The following TM4SF20 variants were observed in gnomAD, a reference collection of about 807,000 sequenced individuals.
The protein encoded by TM4SF20 is transmembrane 4 L6 family member 20.
TM4SF20 carries 13 observed loss-of-function variants against 15.1 expected under a neutral mutation model. The observed-to-expected ratio is 0.86, with a 90% CI of 0.56 to 1.36. The LOEUF is 1.36. Among genes scored for constraint, TM4SF20 ranks in the 40% most tolerant of loss-of-function variants. The pLI, the probability that TM4SF20 is intolerant of heterozygous loss-of-function variation, is 0.00. For synonymous variants in TM4SF20, 92 were observed against 96.6 expected (o/e 0.95, Z 0.28); for missense variants, 282 against 268.4 (o/e 1.05, Z -0.35).
upstream of TM4SF20, among the ~76,000 whole-genome samples, chr2:227,381,120 C>CA (rs1237663123): frequency 6.6e-6 from 1 of 151,724 alleles, no homozygotes; most frequent in African/African-American, 2.4e-5. Context: ...ACTAAAAATA[C>CA]AAAAAAATTA....
chr2:227,375,226 C>CA (rs1000446544), intron 1 of TM4SF20, among the ~76,000 whole-genome samples: 10 of 150,542 alleles, frequency 6.6e-5, no homozygotes, highest in African/African-American at 1.5e-4. Context: ...CATACCTGGC[C>CA]AAAAAAAAAT....
rs2076392796 is a variant in TM4SF20 at position 227,366,335 on chromosome 2, C to T, written c.250-91G>A. 3 of 1,150,166 alleles carry T rather than the reference C, an allele frequency of 2.6e-6. No homozygotes were observed. In the African/African-American group the frequency reaches 4.7e-5, roughly 18 times the overall value. 71.2% of individuals were successfully genotyped at this position (1,150,166 alleles called of 1,614,324 possible). On this transcript the variant is annotated intron_variant, in intron 2 of 3. Coordinates refer to ENST00000304568, the MANE Select transcript of TM4SF20 (RefSeq NM_024795.4). Reference sequence around the variant, plus strand: ...GAGCGTATACAGTCTTTTTTAAATCCAGTCGCCCTAAAATCCTGGATCTTA... The same window carrying T: ...GAGCGTATACAGTCTTTTTTAAATCTAGTCGCCCTAAAATCCTGGATCTTA...
At chr2:227,374,247 A>G (rs1466318851) in intron 1 of TM4SF20, among the ~76,000 whole-genome samples, 1 of 152,180 alleles carries the variant, frequency 6.6e-6, no homozygotes, top group Non-Finnish European at 1.5e-5. Flanking sequence ...TCACTTACAA[A>G]GGGGTTTTAT....
At chr2:227,373,969 A>G (rs1330038460) in intron 1 of TM4SF20, among the ~76,000 whole-genome samples, 1 of 151,226 alleles carries the variant, frequency 6.6e-6, no homozygotes, top group African/African-American at 2.4e-5. Context: ...GCTGGTTTAT[A>G]AACCGAAAAT....
At chr2:227,364,139 G>T (rs1237532215) in intron 3 of TM4SF20, 127 bp from the exon 4 acceptor site, 2 of 973,240 alleles carry the variant, frequency 2.1e-6, no homozygotes, top group Admixed American at 5.7e-5. Context: ...AAATGACAGA[G>T]ATCAGGGTTT....
At chr2:227,366,579 C>A (rs13416290) in intron 2 of TM4SF20, among the ~76,000 whole-genome samples, 45,929 of 151,358 alleles carry the variant, frequency 0.3, 8,800 homozygotes, top group African/African-American at 0.55. Context: ...AATACAAAAA[C>A]TTAGCCAGGC....
In TM4SF20 at chr2:227,363,497, C is replaced by G. The variant is rs1314204548; in HGVS notation, c.*227G>C. 7 of 428,412 alleles carry G rather than the reference C, an allele frequency of 1.6e-5. No homozygotes were observed. The highest frequency in any genetic ancestry group is 2.5e-5 in the Non-Finnish European group (6 of 240,770). 26.5% of individuals were successfully genotyped at this position (428,412 alleles called of 1,614,324 possible). On this transcript the variant is annotated 3_prime_UTR_variant, in exon 4 of 4. Transcript: ENST00000304568. ...TCATCCTCCTTCCCTTCTCCTTTCT[C>G]TACACACAGTGAAGAGGTAAAAAAT... is the stretch of plus-strand genomic sequence containing the variant.
chr2:227,371,390 G>C (rs6733389), intron 1 of TM4SF20, among the ~76,000 whole-genome samples: 1 of 152,040 alleles, frequency 6.6e-6, no homozygotes. Context: ...ACCCAGGCCA[G>C]AGTGCAGTGA....
chr2:227,369,570 AG>A (rs2076410598), intron 2 of TM4SF20, among the ~76,000 whole-genome samples: 1 of 152,080 alleles, frequency 6.6e-6, no homozygotes, highest in South Asian at 2.1e-4. Flanking sequence ...CTGGGATTAC[AG>A]GCATGGGCCA....
At position 227,362,346 on chromosome 2, in the gene TM4SF20, T is replaced by C. The variant is rs1560001599; in HGVS notation, c.*1378A>G. On this transcript the variant is annotated 3_prime_UTR_variant, in exon 4 of 4. Transcript: ENST00000304568. ...AGGGTATAATGAATTGCCATGTACCTGTCACCTAAATATAACAGTAAACAT... is the reference window on the plus strand; with the variant it reads ...AGGGTATAATGAATTGCCATGTACCCGTCACCTAAATATAACAGTAAACAT... The C allele has an allele frequency of 6.6e-6, 1 of 152,240 alleles. No homozygotes were observed. Among genetic ancestry groups the C allele is most frequent in the Non-Finnish European group, 1.5e-5 (1 of 68,036 alleles). The allele number at this position is 152,240 out of a possible 1,614,324, so 9.4% of individuals were successfully genotyped here. A position where few individuals can be genotyped will look rare whatever the true frequency, so the allele number is the denominator to read the frequency against.
At chr2:227,375,623 A>G (rs1056281480) in intron 1 of TM4SF20, among the ~76,000 whole-genome samples, 4 of 151,158 alleles carry the variant, frequency 2.6e-5, no homozygotes, top group Admixed American at 6.6e-5. Context: ...CTGAGTAGCT[A>G]GGACAACAGG....
intron 1 of TM4SF20, among the ~76,000 whole-genome samples, chr2:227,375,237 T>G (rs1399767371): frequency 6.6e-6 from 1 of 151,732 alleles, no homozygotes; most frequent in Non-Finnish European, 1.5e-5. Context: ...AAAAAAAAAT[T>G]TAAGATAAGC....
rs1198905306 is a variant in TM4SF20, at chr2:227,362,285, T to G, written c.*1439A>C. On this transcript the variant is annotated 3_prime_UTR_variant, in exon 4 of 4. Coordinates refer to ENST00000304568, the MANE Select transcript of TM4SF20 (RefSeq NM_024795.4). ...TCTTGGGTTTTTCTAGGTATTGTTT[T>G]TTAATTAATGAATAATGTAAACATA... is the stretch of plus-strand genomic sequence containing the variant. 7.2e-5 allele frequency: 11 copies of G among 152,248 alleles called. No homozygotes were observed. The highest frequency in any genetic ancestry group is 2.9e-5 in the Non-Finnish European group (2 of 68,036). The allele number at this position is 152,248 out of a possible 1,614,324, so 9.4% of individuals were successfully genotyped here.
intron 1 of TM4SF20, 26 bp from the exon 2 acceptor site, chr2:227,371,006 T>A: frequency 6.3e-7 from 1 of 1,595,162 alleles, no homozygotes; most frequent in Non-Finnish European, 8.6e-7. Flanking sequence ...ACAGGAAAGA[T>A]GAGTATTATA....
chr2:227,363,587 T>C lies in TM4SF20; in HGVS notation c.*137A>G, dbSNP rs2076373961. Reference sequence around the variant, plus strand: ...ACCTTTCCCAAATCAACCACTGATATGAGAGTGTTATGCATTTACAACGTG... The same window carrying C: ...ACCTTTCCCAAATCAACCACTGATACGAGAGTGTTATGCATTTACAACGTG... On this transcript the variant is annotated 3_prime_UTR_variant, in exon 4 of 4. Transcript: ENST00000304568. 1.1e-5 allele frequency: 9 copies of C among 825,270 alleles called. No individual in the cohort carries two copies. The highest frequency in any genetic ancestry group is 1.1e-4 in the East Asian group (4 of 38,066). 51.1% of individuals were successfully genotyped at this position (825,270 alleles called of 1,614,324 possible). A position where few individuals can be genotyped will look rare whatever the true frequency, so the allele number is the denominator to read the frequency against.
At position 227,366,664 on chromosome 2, in the gene TM4SF20, C is replaced by T. The variant is rs190695820; in HGVS notation, c.250-420G>A. On this transcript the variant is annotated intron_variant, in intron 2 of 3. Coordinates refer to ENST00000304568, the MANE Select transcript of TM4SF20 (RefSeq NM_024795.4). ...GAATCGCTTGAACCCGGGAGGCAGTCATCCGAGATCGTGCCATTGCACTCC... is the reference window on the plus strand; with the variant it reads ...GAATCGCTTGAACCCGGGAGGCAGTTATCCGAGATCGTGCCATTGCACTCC... Among the ~76,000 whole-genome samples the T allele has an allele frequency of 1.6e-4, 21 of 128,048 alleles. No homozygotes were observed. In the East Asian group the frequency reaches 5.3e-3, roughly 32 times the overall value. The allele number at this position is 128,048 out of a possible 152,430, so 84.0% of individuals were successfully genotyped here.
intron 1 of TM4SF20, among the ~76,000 whole-genome samples, chr2:227,378,509 G>A (rs553738958): frequency 5.9e-5 from 9 of 152,244 alleles, no homozygotes; most frequent in Non-Finnish European, 1.2e-4. Flanking sequence ...CAACAAGCTC[G>A]ATGTCCTAGG....
Position 227,370,916 on chromosome 2 carries a change from C to T in TM4SF20, c.248G>A (p.Gly83Glu). ...CCACGCCGACTGCTTCATACTTACTCCAGTTCTGTTGTTGCAGCACGCTCT... is the reference window on the plus strand; with the variant it reads ...CCACGCCGACTGCTTCATACTTACTTCAGTTCTGTTGTTGCAGCACGCTCT... ...RKRACCNNRTGMFLSSLFSVI... is the reference protein window; with the variant it reads ...RKRACCNNRTEMFLSSLFSVI... The change falls in exon 2 of 4, where the codon GGA (glycine) becomes GAA (glutamate). Residue 83 changes from glycine to glutamate, a missense_variant and splice_region_variant. Gly to Glu is a moderately conservative substitution (Grantham distance 98, BLOSUM62 -2). Coordinates refer to ENST00000304568, the MANE Select transcript of TM4SF20 (RefSeq NM_024795.4). 1 of 1,613,870 alleles carries T rather than the reference C, an allele frequency of 6.2e-7. No individual in the cohort carries two copies. Among genetic ancestry groups the T allele is most frequent in the Non-Finnish European group, 8.5e-7 (1 of 1,179,806 alleles).
At chr2:227,367,884 C>T (rs1427866949) in intron 2 of TM4SF20, among the ~76,000 whole-genome samples, 1 of 152,134 alleles carries the variant, frequency 6.6e-6, no homozygotes, top group Non-Finnish European at 1.5e-5. Flanking sequence ...AATCACTATT[C>T]TTCTTCCAGC....
Sources: allele counts gnomAD v4.1 joint callset (sites outside exome capture counted in the v4.1 genomes callset), GRCh38; gene constraint gnomAD v4.1.1; transcripts MANE v1.5; gene names NCBI Gene and HGNC (gene_info 2026-07-23, HGNC 2026-07-21).